SPOCK3: variants seen among roughly 807,000 people sequenced by gnomAD.
The protein encoded by SPOCK3 is SPARC (osteonectin), cwcv and kazal like domains proteoglycan 3.
A neutral mutation model predicts 56.6 loss-of-function variants in SPOCK3; 30 were observed. The observed-to-expected ratio is 0.53, with a 90% CI of 0.40 to 0.72. The LOEUF (loss-of-function observed/expected upper bound fraction) is 0.72. Ranked by LOEUF, SPOCK3 falls within the 30% of genes least tolerant of loss-of-function variation. SPOCK3 has a pLI of 0.00. For synonymous variants in SPOCK3, 196 were observed against 183.3 expected (o/e 1.07, Z -0.56); for missense variants, 527 against 530.0 (o/e 0.99, Z 0.06).
intron 2 of SPOCK3, among the ~76,000 whole-genome samples, chr4:167,084,711 T>G (rs541834173): frequency 1.3e-5 from 2 of 152,266 alleles, no homozygotes; most frequent in Admixed American, 1.3e-4. Context: ...GAGTTCAATT[T>G]ACATCTTGGT....
At chr4:166,996,960 C>A (rs1399472500) in intron 4 of SPOCK3, among the ~76,000 whole-genome samples, 1 of 152,136 alleles carries the variant, frequency 6.6e-6, no homozygotes, top group Non-Finnish European at 1.5e-5. Flanking sequence ...ATCGTTACAT[C>A]CCTCATTTCA....
intron 6 of SPOCK3, among the ~76,000 whole-genome samples, chr4:166,883,722 C>A (rs771851234): frequency 6.6e-6 from 1 of 152,212 alleles, no homozygotes; most frequent in Non-Finnish European, 1.5e-5. Flanking sequence ...CTTTTAGTAA[C>A]TCGTGACAAC....
intron 3 of SPOCK3, chr4:167,011,263 T>C (rs1267726553): frequency 4.4e-6 from 2 of 455,924 alleles, no homozygotes; most frequent in Admixed American, 2.4e-5. Context: ...ATGGCAATAT[T>C]CACATCACAC....
intron 2 of SPOCK3, among the ~76,000 whole-genome samples, chr4:167,147,438 G>C (rs901984919): frequency 1.3e-5 from 2 of 152,100 alleles, no homozygotes; most frequent in African/African-American, 4.8e-5. Flanking sequence ...AATACCATTT[G>C]ACCCAGCAAT....
intron 6 of SPOCK3, among the ~76,000 whole-genome samples, chr4:166,847,069 A>G (rs902992260): frequency 6.6e-6 from 1 of 152,142 alleles, no homozygotes; most frequent in Non-Finnish European, 1.5e-5. Flanking sequence ...CAAGAGATCT[A>G]TTAAAAAGAA....
intron 2 of SPOCK3, among the ~76,000 whole-genome samples, chr4:167,148,258 C>T (rs1580436985): frequency 6.6e-6 from 1 of 152,100 alleles, no homozygotes; most frequent in Admixed American, 6.6e-5. Flanking sequence ...ACCAGAGATG[C>T]CACTAATGTC....
At chr4:166,824,025 C>T (rs1425579370) in intron 6 of SPOCK3, among the ~76,000 whole-genome samples, 4 of 151,974 alleles carry the variant, frequency 2.6e-5, no homozygotes, top group Non-Finnish European at 4.4e-5. Context: ...TTCTCTGACC[C>T]AGTGTCCCTT....
At chr4:166,967,439 T>A (rs1744862323) in intron 4 of SPOCK3, among the ~76,000 whole-genome samples, 1 of 152,156 alleles carries the variant, frequency 6.6e-6, no homozygotes, top group Admixed American at 6.5e-5. Flanking sequence ...GGTGATTGGA[T>A]CATGGGGGCA....
intron 6 of SPOCK3, among the ~76,000 whole-genome samples, chr4:166,822,956 A>ATCC (rs1210663967): frequency 6.6e-6 from 1 of 152,046 alleles, no homozygotes; most frequent in African/African-American, 2.4e-5. Context: ...CTAGCAAAAA[A>ATCC]TAAGTTTATC....
chr4:167,030,131 TTCCA>T (rs1752131295), intron 3 of SPOCK3, among the ~76,000 whole-genome samples: 2 of 114,762 alleles, frequency 1.7e-5, no homozygotes, highest in South Asian at 2.9e-4. Flanking sequence ...CTATCTATCT[TTCCA>T]TCCATCCATT....
intron 6 of SPOCK3, among the ~76,000 whole-genome samples, chr4:166,884,940 T>C (rs1734046606): frequency 1.3e-5 from 2 of 151,870 alleles, no homozygotes; most frequent in African/African-American, 4.8e-5. Flanking sequence ...CAGAGTTATA[T>C]GAATAAGGCA....
chr4:167,075,441 A>C (rs1757099002), intron 2 of SPOCK3, among the ~76,000 whole-genome samples: 1 of 151,888 alleles, frequency 6.6e-6, no homozygotes, highest in African/African-American at 2.4e-5. Flanking sequence ...ACATAGAGAA[A>C]TGCAGTTAGA....
At chr4:166,952,019 G>A (rs946706429) in intron 4 of SPOCK3, among the ~76,000 whole-genome samples, 1 of 152,118 alleles carries the variant, frequency 6.6e-6, no homozygotes, top group African/African-American at 2.4e-5. Context: ...TTGAAAACTG[G>A]CACAAGACAG....
At chr4:167,035,832 CCTA>C (rs1422285523) in intron 3 of SPOCK3, among the ~76,000 whole-genome samples, 1 of 152,140 alleles carries the variant, frequency 6.6e-6, no homozygotes, top group East Asian at 1.9e-4. Flanking sequence ...AACTTATGTG[CCTA>C]CTATCAGGAG....
intron 6 of SPOCK3, among the ~76,000 whole-genome samples, chr4:166,797,932 G>T (rs936146445): frequency 9.9e-5 from 15 of 152,054 alleles, no homozygotes; most frequent in Non-Finnish European, 1.8e-4. Context: ...GTCAAATGCT[G>T]CATAACAATG....
chr4:166,841,772 A>G (rs958444007), intron 6 of SPOCK3, among the ~76,000 whole-genome samples: 1 of 152,226 alleles, frequency 6.6e-6, no homozygotes, highest in Admixed American at 6.5e-5. Context: ...TACAGCCTAT[A>G]TGATGCCTTC....
chr4:166,769,556 T>G (rs181290397), intron 7 of SPOCK3, among the ~76,000 whole-genome samples: 168 of 152,272 alleles, frequency 1.1e-3, no homozygotes, highest in African/African-American at 3.5e-3. Flanking sequence ...AAGCTTCGTC[T>G]CAGAGGGGTA....
intron 3 of SPOCK3, among the ~76,000 whole-genome samples, chr4:167,048,846 T>C (rs1753945810): frequency 6.6e-6 from 1 of 152,194 alleles, no homozygotes; most frequent in African/African-American, 2.4e-5. Flanking sequence ...ATAATCATCA[T>C]GACATCATGG....
chr4:166,754,649 G>A lies in SPOCK3; in HGVS notation c.790C>T (p.Leu264=). ...CTTCTGAGCTCTGACTGGTCCAATA[G>A]CAGGTCATAGTTTGTATCAAGTCTG... The part of the protein sequence containing the change: ...FNRLDTNYDL[L]LDQSELRSIY... The change falls in exon 8 of 11, where the codon CTA becomes TTA. Residue 264 remains leucine, a synonymous_variant. Coordinates refer to ENST00000357545, the MANE Select transcript of SPOCK3 (RefSeq NM_001040159.2). 2 of 1,613,686 alleles carry A rather than the reference G, an allele frequency of 1.2e-6. No homozygotes were observed. The highest frequency in any genetic ancestry group is 1.7e-6 in the Non-Finnish European group (2 of 1,179,746).
Sources: allele counts gnomAD v4.1 joint callset (sites outside exome capture counted in the v4.1 genomes callset), GRCh38; gene constraint gnomAD v4.1.1; transcripts MANE v1.5; gene names NCBI Gene and HGNC (gene_info 2026-07-23, HGNC 2026-07-21).